The following ZNF407 variants were observed in gnomAD, a reference collection of about 807,000 sequenced individuals.
ZNF407 encodes the protein zinc finger protein 407.
Under a neutral mutation model 131.2 loss-of-function variants are expected in ZNF407, and 17 were observed. That is an observed-to-expected ratio of 0.13 (90% CI 0.09 to 0.19). ZNF407 has a LOEUF of 0.19. Among genes scored for constraint, ZNF407 ranks in the 10% least tolerant of loss-of-function variants. ZNF407 has a pLI of 1.00. For synonymous variants in ZNF407, 1,156 were observed against 1,062.0 expected (o/e 1.09, Z -1.72); for missense variants, 2,681 against 2,830.6 (o/e 0.95, Z 1.20).
chr18:74,658,579 A>C (rs1985579998), intron 3 of ZNF407, among the ~76,000 whole-genome samples: 1 of 152,184 alleles, frequency 6.6e-6, no homozygotes, highest in South Asian at 2.1e-4. Flanking sequence ...AATAAAGAAA[A>C]ACTGTGATGT....
chr18:75,000,728 A>G (rs772785834), intron 8 of ZNF407, among the ~76,000 whole-genome samples: 4 of 152,126 alleles, frequency 2.6e-5, no homozygotes, highest in Non-Finnish European at 4.4e-5. Context: ...TGCAAATTTT[A>G]TTGTATTCAC....
intron 8 of ZNF407, among the ~76,000 whole-genome samples, chr18:75,055,216 T>C (rs1409183858): frequency 6.6e-6 from 1 of 152,230 alleles, no homozygotes; most frequent in Non-Finnish European, 1.5e-5. Flanking sequence ...GTACTATTCA[T>C]GGGTAAATGA....
chr18:75,003,674 A>G (rs1489338262), intron 8 of ZNF407, among the ~76,000 whole-genome samples: 1 of 152,218 alleles, frequency 6.6e-6, no homozygotes, highest in Non-Finnish European at 1.5e-5. Context: ...GAGGTCACAT[A>G]ATACATTTCT....
chr18:74,954,426 T>C (rs1972253034), intron 8 of ZNF407, among the ~76,000 whole-genome samples: 1 of 152,160 alleles, frequency 6.6e-6, no homozygotes, highest in African/African-American at 2.4e-5. Context: ...CTTCTCTCCT[T>C]CCACTTAGGA....
At chr18:74,786,793 GTTTTT>G (rs869103622) in intron 4 of ZNF407, among the ~76,000 whole-genome samples, 9,367 of 89,060 alleles carry the variant, frequency 0.11, 1,514 homozygotes, top group African/African-American at 0.24. Context: ...AAAAAAGTAT[GTTTTT>G]TTTTTTTTTT....
At chr18:74,612,889 CAGAG>C (rs1983126138) in intron 1 of ZNF407, among the ~76,000 whole-genome samples, 1 of 152,044 alleles carries the variant, frequency 6.6e-6, no homozygotes, top group Non-Finnish European at 1.5e-5. Flanking sequence ...CTGAGAGAGA[CAGAG>C]GGAAGAAAAC....
At chr18:74,743,670 A>G (rs184620943) in intron 3 of ZNF407, among the ~76,000 whole-genome samples, 2 of 152,212 alleles carry the variant, frequency 1.3e-5, no homozygotes, top group East Asian at 3.9e-4. Flanking sequence ...ACTTCTTGCA[A>G]TCTAAAATGT....
chr18:74,724,226 T>C (rs1281890786), intron 3 of ZNF407, among the ~76,000 whole-genome samples: 1 of 152,240 alleles, frequency 6.6e-6, no homozygotes. Flanking sequence ...GTAATAATTG[T>C]ACATATTTGG....
intron 8 of ZNF407, among the ~76,000 whole-genome samples, chr18:75,040,600 T>A (rs940183894): frequency 2.0e-5 from 3 of 152,190 alleles, no homozygotes; most frequent in African/African-American, 4.8e-5. Context: ...CATTAGGCAT[T>A]CTGAGCTCAT....
intron 4 of ZNF407, among the ~76,000 whole-genome samples, chr18:74,846,020 A>C (rs550832502): frequency 2.0e-5 from 3 of 152,202 alleles, no homozygotes; most frequent in African/African-American, 7.2e-5. Flanking sequence ...GAGTAAATCT[A>C]TATCAACTTG....
At chr18:74,750,856 C>T (rs1390809101) in intron 3 of ZNF407, among the ~76,000 whole-genome samples, 1 of 152,016 alleles carries the variant, frequency 6.6e-6, no homozygotes, top group African/African-American at 2.4e-5. Context: ...TGTTGTTTGT[C>T]TTTTTGATTA....
chr18:75,039,718 C>CTTTTTT (rs36086764), intron 8 of ZNF407, among the ~76,000 whole-genome samples: 10 of 111,910 alleles, frequency 8.9e-5, no homozygotes, highest in East Asian at 2.6e-4. Context: ...AGGGGCCAAG[C>CTTTTTT]TTTTTTTTTT....
At chr18:74,985,211 G>C (rs1318847480) in intron 8 of ZNF407, among the ~76,000 whole-genome samples, 1 of 151,938 alleles carries the variant, frequency 6.6e-6, no homozygotes, top group African/African-American at 2.4e-5. Context: ...CTTTAACTTT[G>C]TTCACTACTC....
Position 74,707,002 on chromosome 18 carries a change from A to G in ZNF407, c.4802+65880A>G, listed in dbSNP as rs183988950. Reference sequence around the variant, plus strand: ...TCTCACGCATTGTCGCCCAGGCTGGAGTGCCGTGGTGCCATCTCAGCTCAC... The same window carrying G: ...TCTCACGCATTGTCGCCCAGGCTGGGGTGCCGTGGTGCCATCTCAGCTCAC... On this transcript the variant is annotated intron_variant, in intron 3 of 8. Coordinates refer to ENST00000299687, the MANE Select transcript of ZNF407 (RefSeq NM_017757.3). 5.6e-5 allele frequency among the ~76,000 whole-genome samples: 8 copies of G among 142,104 alleles called. No individual in the cohort carries two copies. In the Admixed American group the frequency reaches 5.8e-4, roughly 10 times the overall value. 93.2% of individuals were successfully genotyped at this position (142,104 alleles called of 152,430 possible).
intron 8 of ZNF407, among the ~76,000 whole-genome samples, chr18:75,037,847 C>G (rs1489441823): frequency 6.6e-6 from 1 of 152,038 alleles, no homozygotes; most frequent in African/African-American, 2.4e-5. Context: ...AGAATGTGTC[C>G]CTTCTCAGGG....
In ZNF407 at chr18:75,060,507, C is replaced by CTTT. The variant is rs564194650; in HGVS notation, c.5429-2629_5429-2627dup. Among the ~76,000 whole-genome samples the CTTT allele has an allele frequency of 9.9e-4, 123 of 124,434 alleles. 2 individuals carry two copies. The highest frequency in any genetic ancestry group is 4.5e-3 in the East Asian group (19 of 4,244). The allele number at this position is 124,434 out of a possible 152,430, so 81.6% of individuals were successfully genotyped here. ...GCTCTTTTCTTTTTTTTCTTTTTTT[C>CTTT]TTTTTTTTTTTTTTTTGCGACGGAG... On this transcript the variant is annotated intron_variant, in intron 8 of 8. Coordinates refer to ENST00000299687, the MANE Select transcript of ZNF407 (RefSeq NM_017757.3).
At chr18:74,900,395 C>T (rs575855212) in intron 7 of ZNF407, among the ~76,000 whole-genome samples, 16 of 152,260 alleles carry the variant, frequency 1.1e-4, no homozygotes, top group African/African-American at 3.6e-4. Flanking sequence ...GTCAAGAAAA[C>T]AGAAGCGATG....
At chr18:74,950,877 CT>C (rs1362269978) in intron 8 of ZNF407, among the ~76,000 whole-genome samples, 1 of 152,212 alleles carries the variant, frequency 6.6e-6, no homozygotes, top group East Asian at 1.9e-4. Flanking sequence ...CTTCTAGAAG[CT>C]TTAGAAACTT....
chr18:74,987,528 T>G (rs1972667635), intron 8 of ZNF407, among the ~76,000 whole-genome samples: 1 of 152,194 alleles, frequency 6.6e-6, no homozygotes, highest in Non-Finnish European at 1.5e-5. Flanking sequence ...GGGCTCTGTT[T>G]AAGCAATAAG....
Sources: gnomAD v4.1 joint callset for allele counts (sites outside exome capture counted in the v4.1 genomes callset) on GRCh38, gnomAD v4.1.1 for gene constraint, MANE v1.5 for transcripts, NCBI Gene and HGNC (gene_info 2026-07-23, HGNC 2026-07-21) for gene names.